The following HERC2 variants were observed in gnomAD, a reference collection of about 807,000 sequenced individuals.
HERC2 encodes the protein E3 ubiquitin-protein ligase HERC2.
Under a neutral mutation model 537.7 loss-of-function variants are expected in HERC2, and 102 were observed. The observed-to-expected ratio is 0.19, with a 90% confidence interval of 0.16 to 0.22. The LOEUF (loss-of-function observed/expected upper bound fraction) is 0.22, where lower values mean the gene tolerates loss of function less well. HERC2 is among the 10% of genes least tolerant of loss of function. The probability of loss-of-function intolerance (pLI) is 1.00; values close to 1 mark genes in which losing one functional copy is unlikely to be tolerated. For synonymous variants in HERC2, 2,224 were observed against 2,466.2 expected, an observed-to-expected ratio of 0.90 and a Z score of 2.91; for missense variants, 4,236 against 6,198.2, an observed-to-expected ratio of 0.68 and a Z score of 10.63.
chr15:28,214,066 A>G lies in HERC2; in HGVS notation c.6555+10T>C. 6.2e-7 allele frequency: 1 copy of G among 1,613,922 alleles called. No individual in the cohort carries two copies. Among genetic ancestry groups the G allele is most frequent in the Non-Finnish European group, 8.5e-7 (1 of 1,179,802 alleles). ...GTTGAACTAAATTAATTCTGAGAAC[A>G]CAAACCCACCCCTTCGGAAGGCCTT... is the stretch of plus-strand genomic sequence containing the variant. On this transcript the variant is annotated intron_variant, in intron 41 of 92. Transcript: ENST00000261609.
At chr15:28,124,975 C>T (rs1889319681) in intron 84 of HERC2, 31 bp downstream of exon 84, 4 of 1,571,782 alleles carry the variant, frequency 2.5e-6, no homozygotes, top group South Asian at 1.1e-5. Flanking sequence ...ACTTTGCTTG[C>T]CCCCGACCCA....
At chr15:28,212,659 C>T (rs1899383871) in intron 42 of HERC2, 76 bp from the exon 43 acceptor site, 9 of 1,499,110 alleles carry the variant, frequency 6.0e-6, no homozygotes, top group Non-Finnish European at 8.3e-6. Context: ...TCATCAAAAC[C>T]ATGGGCTTAA....
chr15:28,139,413 G>A (rs1179199442), intron 78 of HERC2, among the ~76,000 whole-genome samples: 1 of 152,224 alleles, frequency 6.6e-6, no homozygotes, highest in Admixed American at 6.5e-5. Context: ...AGTGAGGGGA[G>A]GCTCTGCCAA....
chr15:28,113,171 A>G lies in HERC2; in HGVS notation c.14132T>C (p.Phe4711Ser), dbSNP rs1273646672. The G allele has an allele frequency of 6.2e-7, 1 of 1,614,008 alleles. No individual in the cohort carries two copies. Among genetic ancestry groups the G allele is most frequent in the Non-Finnish European group, 8.5e-7 (1 of 1,179,988 alleles). ...IQWFWEVMES[F>S]SNTERSLFLR... is the part of the protein sequence containing the mutation. ...GAAAAGAGAGCGCTCTGTGTTGGAG[A>G]AGGACTCCATCACCTCCCAGAACCA... The change falls in exon 92 of 93, where the codon TTC (phenylalanine) becomes TCC (serine). Residue 4711 changes from phenylalanine (F) to serine (S), a missense_variant. Transcript: ENST00000261609. This position sits in a 1 kb window ranked among gnomAD's most constrained non-coding sequence, Gnocchi z 7.0.
rs1888123774 is a variant in HERC2 at position 28,115,442 on chromosome 15, G to A, written c.13709C>T (p.Ala4570Val). 3.7e-6 allele frequency: 6 copies of A among 1,613,598 alleles called. No individual in the cohort carries two copies. The highest frequency in any genetic ancestry group is 1.1e-5 in the South Asian group (1 of 91,052). The change falls in exon 89 of 93, where the codon GCG becomes GTG. Residue 4570 changes from alanine to valine, a missense_variant. Ala to Val is a moderately conservative substitution (Grantham distance 64, BLOSUM62 0). Coordinates refer to ENST00000261609, the MANE Select transcript of HERC2 (RefSeq NM_004667.6). ...KQLAGMSLTI[A>V]DLSEVDKDFI... ...CCAGGGAGTTACCTCACTGAGGTCC[G>A]CGATGGTGAGGCTCATCCCAGCCAG... is the stretch of plus-strand genomic sequence containing the variant.
chr15:28,127,187 C>T (rs1889589833), intron 83 of HERC2, among the ~76,000 whole-genome samples: 1 of 152,204 alleles, frequency 6.6e-6, no homozygotes, highest in South Asian at 2.1e-4. Context: ...GGTCCTAAAG[C>T]CACGAGGCGG....
At chr15:28,139,976 G>C (rs1189317890) in intron 78 of HERC2, among the ~76,000 whole-genome samples, 2 of 151,598 alleles carry the variant, frequency 1.3e-5, no homozygotes, top group Non-Finnish European at 2.9e-5. Context: ...GCTGAGGTAG[G>C]AGAATCGCTT....
chr15:28,181,957 C>T (rs1895866691), intron 57 of HERC2, among the ~76,000 whole-genome samples: 1 of 152,192 alleles, frequency 6.6e-6, no homozygotes, highest in Non-Finnish European at 1.5e-5. Flanking sequence ...GCTTGTTTCT[C>T]TGTGCTCGCA....
intron 70 of HERC2, among the ~76,000 whole-genome samples, chr15:28,147,999 T>G (rs1183215815): frequency 2.0e-5 from 3 of 148,266 alleles, no homozygotes; most frequent in Non-Finnish European, 4.4e-5. Flanking sequence ...ATCACACCAC[T>G]GCACTTCAGC....
chr15:28,195,322 G>A (rs528478599), intron 52 of HERC2, among the ~76,000 whole-genome samples: 8 of 151,572 alleles, frequency 5.3e-5, no homozygotes, highest in South Asian at 2.1e-4. Context: ...TTAGCTGAGC[G>A]TGGTGGCTCA....
At position 28,176,443 on chromosome 15, in the gene HERC2, C is replaced by G. The variant is rs1895302134; in HGVS notation, c.9671G>C (p.Gly3224Ala). 2 of 1,614,058 alleles carry G rather than the reference C, an allele frequency of 1.2e-6. No homozygotes were observed. The highest frequency in any genetic ancestry group is 1.7e-6 in the Non-Finnish European group (2 of 1,179,932). ...GTTTACGTACCATGTCCACACCACT[C>G]CAGACTTGGTGAGCGCCAGGGAGAA... Reference protein sequence around the residue: ...AQFSLALTKSGVVWTWGKGDY... With the variant: ...AQFSLALTKSAVVWTWGKGDY... Residue 3224 changes from glycine to alanine, a missense_variant, in exon 63 of 93, where the codon GGA (glycine) becomes GCA (alanine). By Grantham distance (60) the Gly-to-Ala change is moderately conservative. Coordinates refer to ENST00000261609, the MANE Select transcript of HERC2 (RefSeq NM_004667.6). The surrounding 1 kb of genome is among the most constrained non-coding windows in gnomAD (Gnocchi z 5.0).
intron 88 of HERC2, among the ~76,000 whole-genome samples, chr15:28,115,860 AG>A (rs1473302609): frequency 2.6e-5 from 4 of 152,246 alleles, no homozygotes; most frequent in African/African-American, 9.6e-5. Context: ...AGGGAGCTAC[AG>A]CCCTGCCCAG....
At position 28,321,908 on chromosome 15, in the gene HERC2, C is replaced by T. The variant is rs1301813963; in HGVS notation, c.-32+167G>A. On this transcript the variant is annotated intron_variant, in intron 1 of 92. Coordinates refer to ENST00000261609, the MANE Select transcript of HERC2 (RefSeq NM_004667.6). ...GATCGCCTGCAGAAAAACCCACAGC[C>T]ACCACCACTTAAGAGATGGAGAGAG... Among the ~76,000 whole-genome samples the T allele has an allele frequency of 1.4e-5, 2 of 143,520 alleles. 1 individual carries two copies. Among genetic ancestry groups the T allele is most frequent in the African/African-American group, 5.7e-5 (2 of 35,080 alleles). The allele number at this position is 143,520 out of a possible 152,430, so 94.2% of individuals were successfully genotyped here.
chr15:28,130,234 T>C lies in HERC2; in HGVS notation c.12731A>G (p.Gln4244Arg), dbSNP rs1889966353. The C allele has an allele frequency of 1.9e-6, 3 of 1,614,082 alleles. No homozygotes were observed. The highest frequency in any genetic ancestry group is 2.5e-6 in the Non-Finnish European group (3 of 1,180,036). The change falls in exon 83 of 93, where the codon CAA becomes CGA. Residue 4244 changes from glutamine to arginine, a missense_variant. By Grantham distance (43) the Gln-to-Arg change is conservative. Coordinates refer to ENST00000261609, the MANE Select transcript of HERC2 (RefSeq NM_004667.6). Reference protein sequence around the residue: ...DDHVRRPRQVQGLQGKKVIAI... With the variant: ...DDHVRRPRQVRGLQGKKVIAI... ...GATGACTTTCTTCCCCTGCAACCCT[T>C]GGACCTGCCGAGGCCTTCGAACATG...
intron 9 of HERC2, 191 bp downstream of exon 9, chr15:28,272,024 A>G (rs769452347): frequency 1.7e-6 from 1 of 574,420 alleles, no homozygotes; most frequent in South Asian, 2.5e-5. Context: ...CAAGGAAGTC[A>G]GTGCTCACTG....
intron 89 of HERC2, 65 bp downstream of exon 89, chr15:28,115,364 C>T: frequency 9.2e-7 from 1 of 1,092,206 alleles, no homozygotes; most frequent in Non-Finnish European, 1.3e-6. Context: ...CTGACCGGAC[C>T]CGCAGAACAG....
intron 52 of HERC2, among the ~76,000 whole-genome samples, chr15:28,195,593 A>G (rs1424066969): frequency 1.3e-5 from 2 of 152,196 alleles, no homozygotes; most frequent in East Asian, 3.9e-4. Context: ...TAAATCTTAT[A>G]TGGTTTCACC....
At chr15:28,260,543 A>G (rs189566479) in intron 16 of HERC2, among the ~76,000 whole-genome samples, 15 of 152,320 alleles carry the variant, frequency 9.8e-5, no homozygotes, top group Admixed American at 3.9e-4. Flanking sequence ...AAAGACATAA[A>G]AGGCGAGCAG....
At chr15:28,242,138 G>A (rs1318355490) in intron 23 of HERC2, among the ~76,000 whole-genome samples, 1 of 152,204 alleles carries the variant, frequency 6.6e-6, no homozygotes, top group Non-Finnish European at 1.5e-5. Flanking sequence ...ACAGAAAGTA[G>A]AATGGTAGTT....
Sources: allele counts gnomAD v4.1 joint callset (sites outside exome capture counted in the v4.1 genomes callset), GRCh38; gene constraint gnomAD v4.1.1; non-coding constraint Gnocchi (gnomAD v3.1); transcripts MANE v1.5; gene names NCBI Gene and HGNC (gene_info 2026-07-23, HGNC 2026-07-21).